ANKS1A: variants seen among roughly 807,000 people sequenced by gnomAD.
ANKS1A encodes the protein ankyrin repeat and sterile alpha motif domain containing 1A, also known as ankyrin repeat and SAM domain-containing protein 1A.
ANKS1A carries 55 observed loss-of-function variants against 120.3 expected under a neutral mutation model. The ratio of observed to expected loss-of-function variants is 0.46; its 90% CI spans 0.37 to 0.57. The LOEUF is 0.57. ANKS1A is among the 20% of genes least tolerant of loss of function. The pLI, the probability that ANKS1A is intolerant of heterozygous loss-of-function variation, is 0.00. For synonymous variants in ANKS1A, 590 were observed against 604.7 expected (o/e 0.98, Z 0.36); for missense variants, 1,123 against 1,480.3 (o/e 0.76, Z 3.96).
At chr6:34,927,800 G>A (rs556967122) in intron 1 of ANKS1A, among the ~76,000 whole-genome samples, 1 of 152,276 alleles carries the variant, frequency 6.6e-6, no homozygotes, top group Admixed American at 6.5e-5. Flanking sequence ...GTAAAAAACT[G>A]GTCAGAGGGA....
At chr6:34,955,967 A>C (rs1770341221) in intron 1 of ANKS1A, among the ~76,000 whole-genome samples, 1 of 152,108 alleles carries the variant, frequency 6.6e-6, no homozygotes, top group South Asian at 2.1e-4. Context: ...TGACTTTTAA[A>C]AAATTCTTAT....
intron 1 of ANKS1A, among the ~76,000 whole-genome samples, chr6:34,945,080 T>A (rs1769722561): frequency 6.6e-6 from 1 of 152,166 alleles, no homozygotes; most frequent in South Asian, 2.1e-4. Flanking sequence ...CTATTTTATT[T>A]TATTTTATTA....
intron 1 of ANKS1A, among the ~76,000 whole-genome samples, chr6:34,893,894 A>C (rs1260620203): frequency 6.6e-6 from 1 of 152,222 alleles, no homozygotes; most frequent in African/African-American, 2.4e-5. Flanking sequence ...ATAAAGATTA[A>C]ATTATGTTCA....
Position 35,089,050 on chromosome 6 carries a change from C to T in ANKS1A, c.*441C>T, listed in dbSNP as rs1778156947. ...CTGTCCTCAGGACGGAACTTGGGTGCAGCTCAGTGGGTCGGAAGAGAAGGC... is the reference window on the plus strand; with the variant it reads ...CTGTCCTCAGGACGGAACTTGGGTGTAGCTCAGTGGGTCGGAAGAGAAGGC... On this transcript the variant is annotated 3_prime_UTR_variant, in exon 24 of 24. Transcript: ENST00000360359. 10 of 1,073,798 alleles carry T rather than the reference C, an allele frequency of 9.3e-6. No homozygotes were observed. Among genetic ancestry groups the T allele is most frequent in the Non-Finnish European group, 1.1e-5 (10 of 881,850 alleles). 66.5% of individuals were successfully genotyped at this position (1,073,798 alleles called of 1,614,324 possible). A position where few individuals can be genotyped will look rare whatever the true frequency, so the allele number is the denominator to read the frequency against.
chr6:35,070,024 C>CA (rs10667602), intron 13 of ANKS1A, among the ~76,000 whole-genome samples: 36,586 of 95,446 alleles, frequency 0.38, 7,755 homozygotes, highest in East Asian at 0.62. Flanking sequence ...AAGACTCTGT[C>CA]AAAAAAAAAA....
chr6:35,025,936 G>A (rs921843952), intron 11 of ANKS1A, among the ~76,000 whole-genome samples: 4 of 152,124 alleles, frequency 2.6e-5, no homozygotes, highest in African/African-American at 9.7e-5. Flanking sequence ...CAGCAAGAGG[G>A]CACCATCAAG....
At chr6:34,964,192 A>C (rs1770784442) in intron 1 of ANKS1A, among the ~76,000 whole-genome samples, 1 of 152,104 alleles carries the variant, frequency 6.6e-6, no homozygotes, top group South Asian at 2.1e-4. Context: ...TCACCCATAT[A>C]CAGCTGTGTT....
chr6:34,918,772 C>T (rs751025310), intron 1 of ANKS1A, among the ~76,000 whole-genome samples: 7 of 151,988 alleles, frequency 4.6e-5, no homozygotes, highest in Non-Finnish European at 1.0e-4. Flanking sequence ...TTTTTTTTAA[C>T]GGAACACCAT....
intron 1 of ANKS1A, among the ~76,000 whole-genome samples, chr6:34,890,448 T>C (rs990447167): frequency 1.3e-5 from 2 of 152,226 alleles, no homozygotes; most frequent in East Asian, 1.9e-4. Context: ...ATGTTCGTCT[T>C]TGAGCCTCTC....
intron 3 of ANKS1A, among the ~76,000 whole-genome samples, chr6:34,979,595 GT>G (rs908686658): frequency 2.3e-4 from 34 of 147,026 alleles, no homozygotes; most frequent in African/African-American, 4.7e-4. Context: ...TGTTTTTTTG[GT>G]TTTTTTTTTT....
chr6:35,053,969 C>G, intron 11 of ANKS1A, 130 bp from the exon 12 acceptor site: 1 of 726,096 alleles, frequency 1.4e-6, no homozygotes, highest in Non-Finnish European at 2.5e-6. Context: ...TGATACCTTG[C>G]AGGCTGGTGC....
At chr6:34,931,755 G>T (rs1768993732) in intron 1 of ANKS1A, among the ~76,000 whole-genome samples, 1 of 152,170 alleles carries the variant, frequency 6.6e-6, no homozygotes, top group Admixed American at 6.5e-5. Context: ...TAATCTAGGT[G>T]CAAGTCTGGG....
chr6:35,002,960 G>C (rs994308456), intron 10 of ANKS1A, among the ~76,000 whole-genome samples: 4 of 148,002 alleles, frequency 2.7e-5, no homozygotes, highest in African/African-American at 1.0e-4. Flanking sequence ...ATCCCACCAG[G>C]ACTAGACGGC....
intron 3 of ANKS1A, among the ~76,000 whole-genome samples, chr6:34,976,232 T>G (rs1230601473): frequency 6.6e-6 from 1 of 152,116 alleles, no homozygotes; most frequent in South Asian, 2.1e-4. Flanking sequence ...GTCTAGGAAT[T>G]GTTTTGTTAA....
At chr6:34,976,553 A>G (rs1771597333) in intron 3 of ANKS1A, among the ~76,000 whole-genome samples, 1 of 152,138 alleles carries the variant, frequency 6.6e-6, no homozygotes, top group Middle Eastern at 3.2e-3. Context: ...ACAGTCTTAG[A>G]ACTGAAAGGG....
intron 1 of ANKS1A, among the ~76,000 whole-genome samples, chr6:34,890,791 G>A (rs965349610): frequency 6.6e-6 from 1 of 152,152 alleles, no homozygotes; most frequent in Non-Finnish European, 1.5e-5. Flanking sequence ...TTTTTAAGAA[G>A]TGGAAGTTCA....
chr6:35,009,746 T>C (rs886201533), intron 10 of ANKS1A, among the ~76,000 whole-genome samples: 3 of 151,416 alleles, frequency 2.0e-5, no homozygotes, highest in Non-Finnish European at 2.9e-5. Context: ...CTTCTAAAAA[T>C]ATGAAAATTT....
At chr6:35,070,433 C>T (rs1036522490) in intron 13 of ANKS1A, among the ~76,000 whole-genome samples, 12 of 151,734 alleles carry the variant, frequency 7.9e-5, no homozygotes, top group African/African-American at 2.7e-4. Flanking sequence ...GGTGAATCAC[C>T]TAGGACACCT....
In ANKS1A at chr6:35,050,202, A is replaced by G. The variant is rs1775903706; in HGVS notation, c.2011-3897A>G. On this transcript the variant is annotated intron_variant, in intron 11 of 23. Coordinates refer to ENST00000360359, the MANE Select transcript of ANKS1A (RefSeq NM_015245.3). This position sits in a 1 kb window ranked among gnomAD's most constrained non-coding sequence, Gnocchi z 4.3. ...TTTTACACAGCCCTGGCAGGGAAAA[A>G]TAGTCTAAACAGAGTCGTCCTGAAA... Among the ~76,000 whole-genome samples, 2 of 152,336 alleles carry G rather than the reference A, an allele frequency of 1.3e-5. No homozygotes were observed. The highest frequency in any genetic ancestry group is 2.1e-4 in the South Asian group (1 of 4,822).
Sources: allele counts gnomAD v4.1 joint callset (sites outside exome capture counted in the v4.1 genomes callset), GRCh38; gene constraint gnomAD v4.1.1; non-coding constraint Gnocchi (gnomAD v3.1); transcripts MANE v1.5; gene names NCBI Gene and HGNC (gene_info 2026-07-23, HGNC 2026-07-21).